PCDH15: variants seen among roughly 807,000 people sequenced by gnomAD.
The protein encoded by PCDH15 is protocadherin-15.
Under a neutral mutation model 178.5 loss-of-function variants are expected in PCDH15, and 129 were observed. The observed-to-expected ratio is 0.72, with a 90% CI of 0.63 to 0.84. The LOEUF (loss-of-function observed/expected upper bound fraction) is 0.84, where lower values mean the gene tolerates loss of function less well. PCDH15 is among the 40% of genes least tolerant of loss of function. The pLI is 0.00. For missense variants in PCDH15, 2,230 were observed against 2,099.9 expected (o/e 1.06, Z -1.21); for synonymous variants, 800 against 732.0 (o/e 1.09, Z -1.50).
chr10:55,421,002 G>A (rs1193322856), intron 2 of PCDH15, among the ~76,000 whole-genome samples: 1 of 151,586 alleles, frequency 6.6e-6, no homozygotes, highest in Non-Finnish European at 1.5e-5. Context: ...AACTATTTAT[G>A]GTAAATAGAC....
At chr10:55,365,266 CCAGCAGTTTGCAG>C (rs1424188115) in intron 2 of PCDH15, among the ~76,000 whole-genome samples, 2 of 152,146 alleles carry the variant, frequency 1.3e-5, no homozygotes, top group Non-Finnish European at 2.9e-5. Flanking sequence ...ATATGTTTAA[CCAGCAGTTTGCAG>C]CAGGTTTGAT....
At chr10:54,569,796 A>G (rs553792417) in intron 2 of PCDH15, among the ~76,000 whole-genome samples, 1 of 152,292 alleles carries the variant, frequency 6.6e-6, no homozygotes, top group South Asian at 2.1e-4. Flanking sequence ...AGTCTGTCCT[A>G]TACATCAAGA....
intron 1 of PCDH15, among the ~76,000 whole-genome samples, chr10:54,706,447 T>C (rs1276015059): frequency 6.6e-6 from 1 of 152,130 alleles, no homozygotes; most frequent in Non-Finnish European, 1.5e-5. Context: ...TGAAGAAATA[T>C]GACATGCAGA....
At chr10:53,932,556 A>C (rs1006800686) in intron 25 of PCDH15, among the ~76,000 whole-genome samples, 1 of 152,212 alleles carries the variant, frequency 6.6e-6, no homozygotes, top group Non-Finnish European at 1.5e-5. Context: ...GGGAAAGCAT[A>C]TATTTCCCCA....
intron 2 of PCDH15, among the ~76,000 whole-genome samples, chr10:54,559,469 C>A (rs1385804290): frequency 1.3e-5 from 2 of 151,970 alleles, no homozygotes; most frequent in Non-Finnish European, 2.9e-5. Context: ...CAAGAACAAG[C>A]CATAGGTCTG....
chr10:53,973,303 A>AG (rs2089911401), intron 21 of PCDH15, among the ~76,000 whole-genome samples: 1 of 115,742 alleles, frequency 8.6e-6, no homozygotes, highest in South Asian at 3.4e-4. Flanking sequence ...GGGTGGGGGG[A>AG]GGGGGGAGGG....
At chr10:55,128,232 C>T (rs1367228005) in intron 2 of PCDH15, among the ~76,000 whole-genome samples, 1 of 151,762 alleles carries the variant, frequency 6.6e-6, no homozygotes. Flanking sequence ...TACTACCATC[C>T]TTTTTTTTCT....
intron 1 of PCDH15, among the ~76,000 whole-genome samples, chr10:55,213,551 G>C (rs913420993): frequency 1.3e-5 from 2 of 151,566 alleles, no homozygotes; most frequent in Non-Finnish European, 2.9e-5. Context: ...TTTTACATTT[G>C]TGTTTTTTAG....
chr10:54,987,445 C>A (rs10159792), intron 2 of PCDH15, among the ~76,000 whole-genome samples: 1 of 151,912 alleles, frequency 6.6e-6, no homozygotes, highest in Non-Finnish European at 1.5e-5. Flanking sequence ...CACCACACTG[C>A]CTTCCAAATG....
intron 1 of PCDH15, among the ~76,000 whole-genome samples, chr10:55,209,385 A>G (rs1021959295): frequency 6.6e-6 from 1 of 152,172 alleles, no homozygotes; most frequent in Non-Finnish European, 1.5e-5. Context: ...TCACTCTAAC[A>G]TATTTGTGAA....
At chr10:53,929,850 C>G (rs547709293) in intron 25 of PCDH15, among the ~76,000 whole-genome samples, 1 of 152,206 alleles carries the variant, frequency 6.6e-6, no homozygotes, top group African/African-American at 2.4e-5. Flanking sequence ...TTTCTTTTTT[C>G]ATGTTTAAAG....
intron 2 of PCDH15, among the ~76,000 whole-genome samples, chr10:54,953,866 T>TA (rs35735143): frequency 6.6e-6 from 1 of 151,278 alleles, no homozygotes; most frequent in South Asian, 2.1e-4. Context: ...TACAATTTTT[T>TA]AAAAAATATT....
chr10:54,839,658 C>T (rs1038376569), intron 3 of PCDH15, among the ~76,000 whole-genome samples: 1 of 151,968 alleles, frequency 6.6e-6, no homozygotes, highest in Non-Finnish European at 1.5e-5. Context: ...ATTCATTAAG[C>T]TCAAAAGACT....
intron 25 of PCDH15, among the ~76,000 whole-genome samples, chr10:53,934,935 A>C (rs988543365): frequency 2.2e-5 from 3 of 139,328 alleles, no homozygotes; most frequent in Non-Finnish European, 4.7e-5. Flanking sequence ...CCACATTAAT[A>C]AAAAAAAAAA....
Position 53,804,173 on chromosome 10 carries a change from A to T in PCDH15, c.*2406T>A, listed in dbSNP as rs1371557519. ...CTCTGTGTAAATTCTGCTTCTCTTTATACTATCTCCATTAAGTAACAGATG... is the reference window on the plus strand; with the variant it reads ...CTCTGTGTAAATTCTGCTTCTCTTTTTACTATCTCCATTAAGTAACAGATG... On this transcript the variant is annotated 3_prime_UTR_variant, in exon 38 of 38. Coordinates refer to ENST00000644397, the MANE Select transcript of PCDH15 (RefSeq NM_001384140.1). 6.6e-6 allele frequency: 1 copy of T among 151,960 alleles called. No homozygotes were observed. The highest frequency in any genetic ancestry group is 1.5e-5 in the Non-Finnish European group (1 of 67,896). 9.4% of individuals were successfully genotyped at this position (151,960 alleles called of 1,614,324 possible).
At chr10:54,145,861 C>G (rs2133234264) in intron 14 of PCDH15, among the ~76,000 whole-genome samples, 1 of 152,090 alleles carries the variant, frequency 6.6e-6, no homozygotes, top group Admixed American at 6.6e-5. Flanking sequence ...CCAAAAGTGC[C>G]AAGTCATTCA....
chr10:54,072,422 T>A lies in PCDH15; in HGVS notation c.2092-5537A>T, dbSNP rs541037734. ...TGGAGGTCCTTCCTACCATTAAAGA[T>A]TAGCCAGGAGGCTTTCTTTCCTTCT... On this transcript the variant is annotated intron_variant, in intron 17 of 37. Coordinates refer to ENST00000644397, the MANE Select transcript of PCDH15 (RefSeq NM_001384140.1). Among the ~76,000 whole-genome samples, 15 of 152,256 alleles carry A rather than the reference T, an allele frequency of 9.9e-5. No individual in the cohort carries two copies. The South Asian group carries it at 2.9e-3, about 29-fold the overall frequency.
intron 1 of PCDH15, among the ~76,000 whole-genome samples, chr10:55,286,172 A>G (rs2680310): frequency 0.57 from 86,738 of 151,510 alleles, 26,231 homozygotes; most frequent in African/African-American, 0.78. Flanking sequence ...TCGGCCTTTT[A>G]AAACTTCACT....
intron 3 of PCDH15, among the ~76,000 whole-genome samples, chr10:54,825,591 T>C (rs564629848): frequency 8.0e-5 from 12 of 149,514 alleles, no homozygotes; most frequent in African/African-American, 2.7e-4. Context: ...TGGTATCTCA[T>C]TGTGGTTTTG....
Sources: allele counts gnomAD v4.1 joint callset (sites outside exome capture counted in the v4.1 genomes callset), GRCh38; gene constraint gnomAD v4.1.1; transcripts MANE v1.5; gene names NCBI Gene and HGNC (gene_info 2026-07-23, HGNC 2026-07-21).